Variants in TCERG1 observed in about 807,000 individuals in gnomAD.
TCERG1 encodes the protein TATA box binding protein (TBP)-associated factor, RNA polymerase II, S, 150kD.
Under a neutral mutation model 144.7 loss-of-function variants are expected in TCERG1, and 37 were observed. The observed-to-expected ratio is 0.26, with a 90% CI of 0.20 to 0.34. The LOEUF (loss-of-function observed/expected upper bound fraction) is 0.34, where lower values mean the gene tolerates loss of function less well. Among genes scored for constraint, TCERG1 ranks in the 10% least tolerant of loss-of-function variants. The pLI, the probability that TCERG1 is intolerant of heterozygous loss-of-function variation, is 1.00. For synonymous variants in TCERG1, 492 were observed against 458.2 expected, an observed-to-expected ratio of 1.07 and a Z score of -0.94; for missense variants, 1,027 against 1,380.7, an observed-to-expected ratio of 0.74 and a Z score of 4.06.
intron 1 of TCERG1, among the ~76,000 whole-genome samples, chr5:146,451,319 C>CTTTTTTTT (rs56346846): frequency 7.2e-6 from 1 of 138,892 alleles, no homozygotes; most frequent in Non-Finnish European, 1.5e-5. Flanking sequence ...ATCCATATTC[C>CTTTTTTTT]TTTTTTTTTT....
chr5:146,478,536 C>T lies in TCERG1; in HGVS notation c.1645C>T (p.Pro549Ser). Residue 549 changes from proline to serine, a missense_variant, in exon 10 of 23, where the codon CCC becomes TCC. Pro to Ser is a moderately conservative substitution (Grantham distance 74, BLOSUM62 -1). Coordinates refer to ENST00000679501, the MANE Select transcript of TCERG1 (RefSeq NM_001382548.1). ...TGDERVFFYN[P>S]TTRLSMWDRP... Reference sequence around the variant, plus strand: ...TGATGAGCGGGTCTTCTTTTATAATCCCACCACTCGTCTTTCTATGTGGGA... The same window carrying T: ...TGATGAGCGGGTCTTCTTTTATAATTCCACCACTCGTCTTTCTATGTGGGA... The T allele has an allele frequency of 6.2e-7, 1 of 1,608,974 alleles. No individual in the cohort carries two copies. The highest frequency in any genetic ancestry group is 8.5e-7 in the Non-Finnish European group (1 of 1,178,516).
intron 2 of TCERG1, among the ~76,000 whole-genome samples, chr5:146,456,270 G>GT (rs923848106): frequency 1.3e-5 from 2 of 152,090 alleles, no homozygotes; most frequent in Non-Finnish European, 2.9e-5. Context: ...ATAAGAAATA[G>GT]TTTTTTTAAC....
At chr5:146,510,389 A>G (rs1432924352) in intron 22 of TCERG1, 52 bp from the exon 23 acceptor site, 3 of 1,336,576 alleles carry the variant, frequency 2.2e-6, no homozygotes, top group Non-Finnish European at 3.2e-6. Context: ...TCATTTCTGA[A>G]AGACCTGTGA....
rs1316830428 is a variant in TCERG1, at chr5:146,507,749, G to C, written c.2962-124G>C. ...TGCTTCCCTGTCCCTAACTAGTCCA[G>C]TTACGCTTGGGCATTACAAGAGATC... On this transcript the variant is annotated intron_variant, in intron 20 of 22. Coordinates refer to ENST00000679501, the MANE Select transcript of TCERG1 (RefSeq NM_001382548.1). This position sits in a 1 kb window ranked among gnomAD's most constrained non-coding sequence, Gnocchi z 4.6. 6.8e-6 allele frequency: 4 copies of C among 589,486 alleles called. No homozygotes were observed. The highest frequency in any genetic ancestry group is 8.6e-6 in the Non-Finnish European group (3 of 349,292). 36.5% of individuals were successfully genotyped at this position (589,486 alleles called of 1,614,324 possible).
At chr5:146,472,215 ATG>A (rs574943154) in intron 9 of TCERG1, among the ~76,000 whole-genome samples, 6 of 152,218 alleles carry the variant, frequency 3.9e-5, no homozygotes, top group African/African-American at 7.2e-5. Flanking sequence ...GTGTAAAATT[ATG>A]TCTTTCAATC....
At chr5:146,488,854 A>C (rs1766121948) in intron 15 of TCERG1, among the ~76,000 whole-genome samples, 2 of 152,212 alleles carry the variant, frequency 1.3e-5, no homozygotes, top group Admixed American at 1.3e-4. Context: ...CTGGATAAAG[A>C]AAATGTGGTT....
chr5:146,447,663 C>T (rs1200629762), intron 1 of TCERG1, among the ~76,000 whole-genome samples: 2 of 152,260 alleles, frequency 1.3e-5, no homozygotes, highest in African/African-American at 2.4e-5. Context: ...CCTCTCGCGG[C>T]CTGCAGCCCT....
chr5:146,480,331 G>A (rs1765235477), intron 12 of TCERG1: 2 of 274,362 alleles, frequency 7.3e-6, no homozygotes, highest in Non-Finnish European at 1.4e-5. Flanking sequence ...TGATAGTTTT[G>A]GAATTAATTC....
At chr5:146,496,140 A>G (rs1766877916) in intron 16 of TCERG1, among the ~76,000 whole-genome samples, 1 of 152,234 alleles carries the variant, frequency 6.6e-6, no homozygotes, top group South Asian at 2.1e-4. Flanking sequence ...TATTTAAACT[A>G]TATACCAAAT....
rs1389240606 is a variant in TCERG1, at chr5:146,510,743, A to G, written c.*101A>G. The stretch of plus-strand genomic sequence containing the variant: ...GCATTAGTCAACCTATTGCGAAACC[A>G]TCTGACAAACAGAAGGAGAAGCATT... On this transcript the variant is annotated 3_prime_UTR_variant, in exon 23 of 23. Transcript: ENST00000679501. The G allele has an allele frequency of 8.9e-7, 1 of 1,124,082 alleles. No individual in the cohort carries two copies. Among genetic ancestry groups the G allele is most frequent in the Non-Finnish European group, 1.2e-6 (1 of 810,884 alleles). 69.6% of individuals were successfully genotyped at this position (1,124,082 alleles called of 1,614,324 possible).
At chr5:146,505,361 G>C (rs1433462467) in intron 19 of TCERG1, 1 of 152,190 alleles carries the variant, frequency 6.6e-6, no homozygotes, top group Non-Finnish European at 1.5e-5. Context: ...ACTTGCAGGG[G>C]ATGAAGGTTC....
chr5:146,508,998 AAC>A (rs2150944032), intron 21 of TCERG1, 145 bp from the exon 22 acceptor site: 2 of 472,298 alleles, frequency 4.2e-6, no homozygotes, highest in South Asian at 3.9e-5. Flanking sequence ...TTTATATATG[AAC>A]AAAATGTACC....
rs1581477376 is a variant in TCERG1, at chr5:146,478,620, C to T, written c.1729C>T (p.His577Tyr). The T allele has an allele frequency of 1.2e-6, 2 of 1,600,960 alleles. No individual in the cohort carries two copies. Among genetic ancestry groups the T allele is most frequent in the Non-Finnish European group, 1.7e-6 (2 of 1,175,982 alleles). Residue 577 changes from histidine (H) to tyrosine (Y), a missense_variant, in exon 10 of 23, where the codon CAT becomes TAT. Physicochemically the swap from His to Tyr is moderately conservative, Grantham distance 83. This residue lies in a region of TCERG1 where 482 missense variants were observed against 632.6 expected (regional missense o/e 0.76). Transcript: ENST00000679501. ...DVDKIIQEPP[H>Y]KKGMEELKKL... ...TGACAAAATTATTCAGGAGCCCCCTCATAAAAAAGGAATGGAGGAATTGAA... is the reference window on the plus strand; with the variant it reads ...TGACAAAATTATTCAGGAGCCCCCTTATAAAAAAGGAATGGAGGAATTGAA...
intron 16 of TCERG1, 150 bp from the exon 17 acceptor site, chr5:146,498,386 T>C: frequency 1.4e-6 from 1 of 698,258 alleles, no homozygotes; most frequent in Non-Finnish European, 2.1e-6. Flanking sequence ...TTTTTACTCC[T>C]TTCTGAAACT....
intron 15 of TCERG1, 171 bp from the exon 16 acceptor site, chr5:146,492,749 T>C (rs1324487589): frequency 1.1e-5 from 5 of 466,908 alleles, no homozygotes; most frequent in African/African-American, 4.1e-5. Context: ...GCTTGTGTAA[T>C]ATCTCAGTGA....
At chr5:146,486,120 A>G (rs1040608036) in intron 15 of TCERG1, among the ~76,000 whole-genome samples, 1 of 152,254 alleles carries the variant, frequency 6.6e-6, no homozygotes, top group Non-Finnish European at 1.5e-5. Context: ...TATTATTTGC[A>G]TAGGAGTATA....
intron 21 of TCERG1, among the ~76,000 whole-genome samples, chr5:146,508,838 T>G: frequency 6.6e-6 from 1 of 152,152 alleles, no homozygotes. Flanking sequence ...CTCATGAGGT[T>G]GTTGTGAAGA....
At chr5:146,464,798 T>C (rs1334314475) in intron 5 of TCERG1, among the ~76,000 whole-genome samples, 2 of 152,188 alleles carry the variant, frequency 1.3e-5, no homozygotes, top group Non-Finnish European at 2.9e-5. Flanking sequence ...CTCCTTTCTG[T>C]GTAAGAATAC....
At chr5:146,477,070 G>A (rs940610023) in intron 9 of TCERG1, among the ~76,000 whole-genome samples, 1 of 152,140 alleles carries the variant, frequency 6.6e-6, no homozygotes, top group African/African-American at 2.4e-5. Context: ...ATGCCCAGCT[G>A]ATCCATCTTC....
Sources: gnomAD v4.1 joint callset for allele counts (sites outside exome capture counted in the v4.1 genomes callset) on GRCh38, gnomAD v4.1.1 for gene constraint, gnomAD v4.1.1 regional missense constraint, Gnocchi (gnomAD v3.1) non-coding constraint, MANE v1.5 for transcripts, NCBI Gene and HGNC (gene_info 2026-07-23, HGNC 2026-07-21) for gene names.